The following CACNG6 variants were observed in gnomAD, a reference collection of about 807,000 sequenced individuals.
CACNG6 encodes the protein voltage-dependent calcium channel gamma-6 subunit.
CACNG6 carries 21 observed loss-of-function variants against 23.9 expected under a neutral mutation model. The ratio of observed to expected loss-of-function variants is 0.88; its 90% CI spans 0.62 to 1.26. The LOEUF (loss-of-function observed/expected upper bound fraction) is 1.26. CACNG6 is among the 50% of genes most tolerant of loss of function. The probability of loss-of-function intolerance (pLI) is 0.00; values close to 1 mark genes in which losing one functional copy is unlikely to be tolerated. For missense variants in CACNG6, 340 were observed against 352.9 expected, an observed-to-expected ratio of 0.96 and a Z score of 0.29; for synonymous variants, 182 against 168.9, an observed-to-expected ratio of 1.08 and a Z score of -0.60.
intron 1 of CACNG6, 107 bp downstream of exon 1, chr19:53,993,315 G>A (rs71365417): frequency 0.047 from 55,154 of 1,166,024 alleles, 1,693 homozygotes; most frequent in Admixed American, 0.16. Context: ...GCCTGAGCCC[G>A]GAGGAGACAG....
At chr19:53,993,322 A>G (rs938209216) in intron 1 of CACNG6, 114 bp downstream of exon 1, 1 of 1,108,816 alleles carries the variant, frequency 9.0e-7, no homozygotes, top group African/African-American at 1.6e-5. Context: ...CCCGGAGGAG[A>G]CAGCTTGCCT....
At chr19:54,006,849 T>TTATTTTATTTTA (rs1487835262) in intron 3 of CACNG6, among the ~76,000 whole-genome samples, 10 of 128,630 alleles carry the variant, frequency 7.8e-5, no homozygotes, top group African/African-American at 2.7e-4. Context: ...TTTTTTTATT[T>TTATTTTATTTTA]TGTTATTTTA....
intron 1 of CACNG6, among the ~76,000 whole-genome samples, chr19:53,995,953 C>T (rs767847586): frequency 6.6e-5 from 10 of 152,184 alleles, no homozygotes; most frequent in Non-Finnish European, 1.3e-4. Context: ...TGAGCCACCA[C>T]GCGCAGCCCA....
intron 2 of CACNG6, 68 bp downstream of exon 2, chr19:53,998,381 G>A (rs1346949261): frequency 7.1e-7 from 1 of 1,415,162 alleles, no homozygotes; most frequent in African/African-American, 1.4e-5. Context: ...AGGAGTTCTA[G>A]AGAGAGTTAT....
chr19:54,006,276 T>C lies in CACNG6; in HGVS notation c.545-5675T>C, dbSNP rs181525529. Among the ~76,000 whole-genome samples the C allele has an allele frequency of 2.0e-4, 31 of 151,388 alleles. No homozygotes were observed. In the East Asian group the frequency reaches 5.3e-3, roughly 26 times the overall value. ...AAGTACCACAGCCTGGGTGGCTCTC[T>C]ATTTATTTATGCCCGTATTCATTTG... On this transcript the variant is annotated intron_variant, in intron 3 of 3. Transcript: ENST00000252729.
At chr19:54,011,023 T>C (rs1289507286) in intron 3 of CACNG6, among the ~76,000 whole-genome samples, 3 of 151,350 alleles carry the variant, frequency 2.0e-5, no homozygotes, top group African/African-American at 7.3e-5. Context: ...CATTTCTTCA[T>C]GTTGTGACCA....
At chr19:54,011,227 T>TATATATACACACACACAC (rs1442985544) in intron 3 of CACNG6, among the ~76,000 whole-genome samples, 3 of 95,286 alleles carry the variant, frequency 3.1e-5, no homozygotes, top group African/African-American at 1.7e-4. Flanking sequence ...TATATATATA[T>TATATATACACACACACAC]ACACACACAC....
At chr19:54,007,108 G>A (rs141109872) in intron 3 of CACNG6, among the ~76,000 whole-genome samples, 56 of 152,222 alleles carry the variant, frequency 3.7e-4, no homozygotes, top group Middle Eastern at 6.8e-3. Flanking sequence ...AAGTGCAGTG[G>A]TTCGATCTCA....
rs1036759489 is a variant in CACNG6, at chr19:53,992,985, G to A, written c.108G>A (p.Glu36=). Reference sequence around the variant, plus strand: ...GGTCGGGGCTGACGCCCGAGCGCGAGGGGAAGGTGAAGCTGGCGCTGCTGC... The same window carrying A: ...GGTCGGGGCTGACGCCCGAGCGCGAAGGGAAGGTGAAGCTGGCGCTGCTGC... ...QGRSGLTPER[E]GKVKLALLLA... is the part of the protein sequence containing the mutation. The change falls in exon 1 of 4, where the codon GAG becomes GAA. Residue 36 remains glutamate (E), a synonymous_variant. Coordinates refer to ENST00000252729, the MANE Select transcript of CACNG6 (RefSeq NM_145814.2). This position sits in a 1 kb window ranked among gnomAD's most constrained non-coding sequence, Gnocchi z 4.1. The A allele has an allele frequency of 2.8e-6, 4 of 1,439,620 alleles. No homozygotes were observed. In the East Asian group the frequency reaches 1.2e-4, roughly 42 times the overall value. The allele number at this position is 1,439,620 out of a possible 1,614,324, so 89.2% of individuals were successfully genotyped here.
intron 1 of CACNG6, among the ~76,000 whole-genome samples, chr19:53,997,920 C>A (rs1464506826): frequency 6.6e-6 from 1 of 152,090 alleles, no homozygotes; most frequent in African/African-American, 2.4e-5. Context: ...CCACTTGACC[C>A]TCAACAAACC....
Position 54,012,079 on chromosome 19 carries a change from GTGGGGGCCGGCCTGATCCTGCTGT to G in CACNG6, c.685_708del (p.Leu229_Gly236del), listed in dbSNP as rs770065137. The G allele has an allele frequency of 9.3e-5, 148 of 1,590,110 alleles. 1 individual carries two copies. The South Asian group carries it at 1.0e-3, about 11-fold the overall frequency. ...GTACTCCTGGTCCCTGGGCTGCGGCGTGGGGGCCGGCCTGATCCTGCTGTTGGGGGCCGGCTGCTTTCTGCTGCT... is the reference window on the plus strand; with the variant it reads ...GTACTCCTGGTCCCTGGGCTGCGGCGTGGGGGCCGGCTGCTTTCTGCTGCT... On this transcript the variant is annotated inframe_deletion, in exon 4 of 4. Coordinates refer to ENST00000252729, the MANE Select transcript of CACNG6 (RefSeq NM_145814.2).
At chr19:54,002,279 T>TTTTTTTTTG (rs1555818490) in intron 3 of CACNG6, among the ~76,000 whole-genome samples, 2 of 134,684 alleles carry the variant, frequency 1.5e-5, no homozygotes, top group African/African-American at 3.4e-5. Flanking sequence ...TTTTTTGTTT[T>TTTTTTTTTG]TTTTGTTTTT....
chr19:54,012,001 C>T lies in CACNG6; in HGVS notation c.595C>T (p.Leu199=), dbSNP rs1229328218. 6.2e-7 allele frequency: 1 copy of T among 1,601,184 alleles called. No homozygotes were observed. Among genetic ancestry groups the T allele is most frequent in the Non-Finnish European group, 8.5e-7 (1 of 1,174,532 alleles). Residue 199 remains leucine, a synonymous_variant, in exon 4 of 4, where the codon CTG becomes TTG. Transcript: ENST00000252729. ...LEVFRHSVRA[L]LQRVSPEPPP... ...GGTGTTCCGGCATTCCGTGAGGGCCCTGCTGCAGAGAGTCAGCCCGGAGCC... is the reference window on the plus strand; with the variant it reads ...GGTGTTCCGGCATTCCGTGAGGGCCTTGCTGCAGAGAGTCAGCCCGGAGCC...
intron 3 of CACNG6, among the ~76,000 whole-genome samples, chr19:54,002,725 T>C (rs1214365915): frequency 2.6e-5 from 4 of 152,192 alleles, no homozygotes; most frequent in African/African-American, 9.6e-5. Flanking sequence ...TATGAAAGTC[T>C]TGAGCACAAA....
rs943949607 is a variant in CACNG6 at position 54,012,481 on chromosome 19, T to C, written c.*292T>C. 3.9e-5 allele frequency: 2 copies of C among 51,540 alleles called. No individual in the cohort carries two copies. The allele number at this position is 51,540 out of a possible 1,614,324, so 3.2% of individuals were successfully genotyped here. A position where few individuals can be genotyped will look rare whatever the true frequency, so the allele number is the denominator to read the frequency against. On this transcript the variant is annotated 3_prime_UTR_variant, in exon 4 of 4. Coordinates refer to ENST00000252729, the MANE Select transcript of CACNG6 (RefSeq NM_145814.2). ...TGATGGGGTAGCTGGGGTGTGGGGT[T>C]GGGGGATGAGGTCAGGGGGTCTTGG...
At chr19:53,999,581 C>T in intron 2 of CACNG6, 53 bp from the exon 3 acceptor site, 1 of 1,592,022 alleles carries the variant, frequency 6.3e-7, no homozygotes, top group Non-Finnish European at 8.5e-7. Flanking sequence ...GGTGAATCCT[C>T]CTCATTCCCT....
intron 1 of CACNG6, among the ~76,000 whole-genome samples, chr19:53,995,991 A>G (rs1473866216): frequency 6.6e-6 from 1 of 152,188 alleles, no homozygotes; most frequent in East Asian, 1.9e-4. Context: ...CTGCTGCATA[A>G]GAACTCACAT....
intron 3 of CACNG6, among the ~76,000 whole-genome samples, chr19:54,008,557 C>T (rs1358006479): frequency 1.3e-5 from 2 of 152,094 alleles, no homozygotes; most frequent in African/African-American, 2.4e-5. Flanking sequence ...GTTCCATTAC[C>T]GCCTCTCTCC....
At position 54,012,104 on chromosome 19, in the gene CACNG6, T is replaced by C; in HGVS notation, c.698T>C (p.Leu233Ser). Residue 233 changes from leucine (L) to serine (S), a missense_variant, in exon 4 of 4, where the codon TTG becomes TCG. By Grantham distance (145) the Leu-to-Ser change is moderately radical. Transcript: ENST00000252729. ...CGVGAGLILL[L>S]GAGCFLLLTL... Reference sequence around the variant, plus strand: ...GTGGGGGCCGGCCTGATCCTGCTGTTGGGGGCCGGCTGCTTTCTGCTGCTC... The same window carrying C: ...GTGGGGGCCGGCCTGATCCTGCTGTCGGGGGCCGGCTGCTTTCTGCTGCTC... The C allele has an allele frequency of 6.3e-7, 1 of 1,575,556 alleles. No individual in the cohort carries two copies. The highest frequency in any genetic ancestry group is 2.3e-5 in the East Asian group (1 of 42,570).
Sources: gnomAD v4.1 joint callset for allele counts (sites outside exome capture counted in the v4.1 genomes callset) on GRCh38, gnomAD v4.1.1 for gene constraint, Gnocchi (gnomAD v3.1) non-coding constraint, MANE v1.5 for transcripts, NCBI Gene and HGNC (gene_info 2026-07-23, HGNC 2026-07-21) for gene names.